PTPRT: variants seen among roughly 807,000 people sequenced by gnomAD.
PTPRT encodes the protein protein tyrosine phosphatase receptor type T, also known as receptor-type tyrosine-protein phosphatase T.
Under a neutral mutation model 176.8 loss-of-function variants are expected in PTPRT, and 56 were observed. The observed-to-expected ratio is 0.32, with a 90% CI of 0.26 to 0.40. The LOEUF (loss-of-function observed/expected upper bound fraction) is 0.40, where lower values mean the gene tolerates loss of function less well. Ranked by LOEUF, PTPRT falls within the 10% of genes least tolerant of loss-of-function variation. The pLI is 1.00. For missense variants in PTPRT, 1,540 were observed against 1,908.2 expected (o/e 0.81, Z 3.60); for synonymous variants, 783 against 739.0 (o/e 1.06, Z -0.96).
At chr20:42,063,775 A>G in the PTPRT span, 5 of 152,048 alleles carry the variant, frequency 3.3e-5, no homozygotes, top group Non-Finnish European at 5.9e-5. Flanking sequence ...AGATTTCCCA[A>G]TTTCTCTTGG....
intron 7 of PTPRT, among the ~76,000 whole-genome samples, chr20:42,516,119 G>C (rs1373402387): frequency 9.0e-6 from 1 of 110,806 alleles, no homozygotes; most frequent in Non-Finnish European, 1.8e-5. Flanking sequence ...TGGGGGGAGG[G>C]GGGAGGGATA....
At chr20:42,227,499 C>A (rs935438476) in intron 15 of PTPRT, among the ~76,000 whole-genome samples, 14 of 151,886 alleles carry the variant, frequency 9.2e-5, no homozygotes, top group Non-Finnish European at 1.6e-4. Context: ...GTTTGTTGCT[C>A]ACTGATAATA....
chr20:43,085,992 G>C (rs1427707176), intron 1 of PTPRT, among the ~76,000 whole-genome samples: 1 of 152,034 alleles, frequency 6.6e-6, no homozygotes, highest in Admixed American at 6.6e-5. Flanking sequence ...GACATTTCAA[G>C]GAAACAGTCA....
At chr20:42,439,491 T>C (rs946290465) in intron 9 of PTPRT, among the ~76,000 whole-genome samples, 5 of 152,226 alleles carry the variant, frequency 3.3e-5, no homozygotes, top group African/African-American at 9.6e-5. Context: ...CCAATGTTTC[T>C]TGAATTTAAT....
At chr20:43,184,731 C>T (rs1233582502) in intron 1 of PTPRT, among the ~76,000 whole-genome samples, 2 of 151,944 alleles carry the variant, frequency 1.3e-5, no homozygotes, top group Non-Finnish European at 2.9e-5. Context: ...CTCACTGACA[C>T]CTCTTTCCCT....
chr20:42,555,470 G>C (rs781248540), intron 7 of PTPRT, among the ~76,000 whole-genome samples: 15 of 152,142 alleles, frequency 9.9e-5, no homozygotes, highest in African/African-American at 7.2e-5. Context: ...AGCAATCACG[G>C]CAGGCAGTTT....
intron 1 of PTPRT, among the ~76,000 whole-genome samples, chr20:42,992,936 C>T (rs759222693): frequency 6.6e-6 from 1 of 152,102 alleles, no homozygotes; most frequent in African/African-American, 2.4e-5. Context: ...CATGGTGACA[C>T]AGAACTCCAA....
intron 7 of PTPRT, among the ~76,000 whole-genome samples, chr20:42,647,905 A>G (rs780500147): frequency 3.2e-4 from 48 of 152,328 alleles, no homozygotes; most frequent in Non-Finnish European, 5.3e-4. Flanking sequence ...AAGAGAAATC[A>G]TTAAGTAATA....
intron 1 of PTPRT, among the ~76,000 whole-genome samples, chr20:43,080,359 G>T (rs1001015360): frequency 6.6e-6 from 1 of 152,188 alleles, no homozygotes; most frequent in Non-Finnish European, 1.5e-5. Flanking sequence ...ACATGTACAG[G>T]AAATCAACCT....
At chr20:42,650,866 T>C (rs1020735365) in intron 7 of PTPRT, among the ~76,000 whole-genome samples, 12 of 152,148 alleles carry the variant, frequency 7.9e-5, no homozygotes, top group African/African-American at 2.4e-4. Context: ...GCAAATGCAA[T>C]TGGATCTTAT....
At chr20:42,123,753 GCT>G (rs1237118407) in intron 19 of PTPRT, among the ~76,000 whole-genome samples, 1 of 152,170 alleles carries the variant, frequency 6.6e-6, no homozygotes, top group Middle Eastern at 3.2e-3. Context: ...TGAGTGGCTT[GCT>G]CTCTCGCTCC....
intron 5 of PTPRT, among the ~76,000 whole-genome samples, chr20:42,762,396 C>T (rs1443254276): frequency 6.6e-6 from 1 of 151,520 alleles, no homozygotes; most frequent in Non-Finnish European, 1.5e-5. Flanking sequence ...GTCTCAAGGA[C>T]TTAAAAGCTG....
At chr20:42,807,103 CA>C (rs559346369) in intron 2 of PTPRT, among the ~76,000 whole-genome samples, 34 of 152,302 alleles carry the variant, frequency 2.2e-4, no homozygotes, top group African/African-American at 7.7e-4. Flanking sequence ...GGGAGGAAAA[CA>C]ATAGAACATT....
At chr20:42,090,669 T>A (rs1984521333) in intron 27 of PTPRT, among the ~76,000 whole-genome samples, 1 of 152,192 alleles carries the variant, frequency 6.6e-6, no homozygotes, top group Admixed American at 6.5e-5. Flanking sequence ...ACTTTTCATA[T>A]AAGCACGTAA....
At chr20:42,261,706 T>C (rs1050856847) in intron 13 of PTPRT, among the ~76,000 whole-genome samples, 7 of 152,208 alleles carry the variant, frequency 4.6e-5, no homozygotes. Context: ...TTGTCTGAAC[T>C]GCATAGCAGG....
chr20:42,889,434 C>CTATT (rs1454269077), intron 1 of PTPRT, among the ~76,000 whole-genome samples: 1 of 152,222 alleles, frequency 6.6e-6, no homozygotes, highest in Non-Finnish European at 1.5e-5. Context: ...TCTTGAGCCA[C>CTATT]TATTTCTTCA....
At chr20:42,430,124 T>C (rs974698798) in intron 9 of PTPRT, among the ~76,000 whole-genome samples, 1 of 152,206 alleles carries the variant, frequency 6.6e-6, no homozygotes, top group African/African-American at 2.4e-5. Context: ...AAGTGTTGGT[T>C]TCTCTGATTC....
chr20:42,916,524 C>T (rs1014684667), intron 1 of PTPRT, among the ~76,000 whole-genome samples: 2 of 152,120 alleles, frequency 1.3e-5, no homozygotes, highest in African/African-American at 4.8e-5. Flanking sequence ...GTTCTAGATC[C>T]CTGAGGAATC....
chr20:42,642,814 T>G (rs1442679905), intron 7 of PTPRT, among the ~76,000 whole-genome samples: 5 of 152,194 alleles, frequency 3.3e-5, no homozygotes, highest in Non-Finnish European at 1.5e-5. Flanking sequence ...TGAATACATT[T>G]AGTGCTCTCC....
Sources: gnomAD v4.1 joint callset for allele counts (sites outside exome capture counted in the v4.1 genomes callset) on GRCh38, gnomAD v4.1.1 for gene constraint, MANE v1.5 for transcripts, NCBI Gene and HGNC (gene_info 2026-07-23, HGNC 2026-07-21) for gene names.